DNAH6: variants seen among roughly 807,000 people sequenced by gnomAD.
DNAH6 encodes the protein axonemal beta dynein heavy chain 6.
In DNAH6, 340 loss-of-function variants were observed where a neutral mutation model predicts 491.4. The ratio of observed to expected loss-of-function variants is 0.69; its 90% confidence interval spans 0.63 to 0.76. The LOEUF is 0.76. Ranked by LOEUF, DNAH6 falls within the 30% of genes least tolerant of loss-of-function variation. The pLI, the probability that DNAH6 is intolerant of heterozygous loss-of-function variation, is 0.00. For missense variants in DNAH6, 4,443 were observed against 4,972.2 expected, an observed-to-expected ratio of 0.89 and a Z score of 3.20; for synonymous variants, 1,603 against 1,686.1, an observed-to-expected ratio of 0.95 and a Z score of 1.21.
the DNAH6 span, among the ~76,000 whole-genome samples, chr2:84,465,881 A>G: frequency 6.6e-6 from 1 of 152,246 alleles, no homozygotes; most frequent in Admixed American, 6.5e-5. Flanking sequence ...AAGACAAAGC[A>G]TGATAAGACC....
chr2:84,819,310 T>A lies in DNAH6; in HGVS notation c.12379T>A (p.Ser4127Thr). The A allele has an allele frequency of 2.6e-6, 4 of 1,548,670 alleles. No homozygotes were observed. Among genetic ancestry groups the A allele is most frequent in the Non-Finnish European group, 3.5e-6 (4 of 1,145,440 alleles). The change falls in exon 77 of 77, where the codon TCA becomes ACA. Residue 4127 changes from serine to threonine, a missense_variant. Physicochemically the swap from Ser to Thr is moderately conservative, Grantham distance 58. Transcript: ENST00000389394. ...TTTCCTATATCCTTAATTAGGACAT[T>A]CAACCAATTTTGTGGTAACCGTCCT... ...RAGTLSTTGH[S>T]TNFVVTVLLP...
intron 13 of DNAH6, 76 bp downstream of exon 13, chr2:84,577,484 G>T (rs570226996): frequency 3.3e-4 from 354 of 1,077,508 alleles, no homozygotes; most frequent in South Asian, 1.6e-3. Context: ...CAAAAACCTA[G>T]TATTTATTTT....
At chr2:84,575,941 T>A (rs1682398142) in intron 12 of DNAH6, among the ~76,000 whole-genome samples, 1 of 152,224 alleles carries the variant, frequency 6.6e-6, no homozygotes, top group Admixed American at 6.5e-5. Flanking sequence ...CTTTTATTCC[T>A]TTTTGGCTAT....
chr2:84,580,845 A>G (rs1682953972), intron 14 of DNAH6, among the ~76,000 whole-genome samples: 1 of 152,178 alleles, frequency 6.6e-6, no homozygotes, highest in African/African-American at 2.4e-5. Context: ...CTTCCTATCA[A>G]GAATGTAAGT....
intron 29 of DNAH6, among the ~76,000 whole-genome samples, chr2:84,633,301 C>T (rs2104460249): frequency 6.6e-6 from 1 of 152,198 alleles, no homozygotes; most frequent in South Asian, 2.1e-4. Flanking sequence ...CCAGTATCTC[C>T]TAATATTAAT....
chr2:84,655,829 C>T (rs1690911837), intron 35 of DNAH6, among the ~76,000 whole-genome samples: 7 of 152,080 alleles, frequency 4.6e-5, no homozygotes, highest in Admixed American at 4.6e-4. Context: ...TATTATTTTA[C>T]ATTAGAGTTC....
chr2:84,636,941 A>T (rs982058852), intron 30 of DNAH6, among the ~76,000 whole-genome samples: 1 of 152,148 alleles, frequency 6.6e-6, no homozygotes, highest in Admixed American at 6.5e-5. Flanking sequence ...GTATATGTTC[A>T]GACCTAGAAG....
Position 84,548,201 on chromosome 2 carries a change from TTTTG to T in DNAH6, c.1187-83_1187-80del, listed in dbSNP as rs1396388201. The T allele has an allele frequency of 7.1e-6, 10 of 1,399,934 alleles. No homozygotes were observed. In the East Asian group the frequency reaches 2.2e-4, roughly 31 times the overall value. 86.7% of individuals were successfully genotyped at this position (1,399,934 alleles called of 1,614,324 possible). A position where few individuals can be genotyped will look rare whatever the true frequency, so the allele number is the denominator to read the frequency against. ...ACCAAAATATTTTGTTGTTTTTGAA[TTTTG>T]TTTATCTTTTCTTTGAATCATATTG... On this transcript the variant is annotated intron_variant, in intron 7 of 76. Coordinates refer to ENST00000389394, the MANE Select transcript of DNAH6 (RefSeq NM_001370.2).
intron 64 of DNAH6, among the ~76,000 whole-genome samples, chr2:84,770,662 C>T (rs534892140): frequency 6.6e-6 from 1 of 152,166 alleles, no homozygotes; most frequent in African/African-American, 2.4e-5. Context: ...TGAGATTACT[C>T]AATTTGGTGA....
intron 72 of DNAH6, among the ~76,000 whole-genome samples, chr2:84,809,677 G>C (rs1246867713): frequency 6.6e-6 from 1 of 152,182 alleles, no homozygotes; most frequent in Non-Finnish European, 1.5e-5. Flanking sequence ...AGGGAGCCCT[G>C]TCTAGGGCAG....
chr2:84,547,835 T>C (rs771915610), intron 7 of DNAH6, among the ~76,000 whole-genome samples: 3 of 152,226 alleles, frequency 2.0e-5, no homozygotes, highest in Non-Finnish European at 2.9e-5. Context: ...ATTTCTAAAC[T>C]GGATACAGAA....
chr2:84,760,854 A>AC (rs1253210839), intron 63 of DNAH6, among the ~76,000 whole-genome samples: 1 of 152,054 alleles, frequency 6.6e-6, no homozygotes, highest in Non-Finnish European at 1.5e-5. Context: ...CAAACAATTC[A>AC]CCTGCCTCGA....
chr2:84,791,604 G>A (rs1326042590), intron 68 of DNAH6, among the ~76,000 whole-genome samples: 1 of 151,336 alleles, frequency 6.6e-6, no homozygotes, highest in South Asian at 2.1e-4. Flanking sequence ...AGATTGCAAT[G>A]ATGGTTGGAC....
Position 84,693,290 on chromosome 2 carries a change from G to A in DNAH6, c.7293-959G>A, listed in dbSNP as rs181583690. ...CTGGAGTTTGGCCTCTACTTTTCCT[G>A]TTCAACTCTCCACGGTACTCTATTT... On this transcript the variant is annotated intron_variant, in intron 45 of 76. Transcript: ENST00000389394. 1.0e-3 allele frequency among the ~76,000 whole-genome samples: 152 copies of A among 152,076 alleles called. 1 individual carries two copies. The highest frequency in any genetic ancestry group is 3.5e-3 in the African/African-American group (147 of 41,488).
At chr2:84,617,302 T>C (rs1686950998) in intron 23 of DNAH6, among the ~76,000 whole-genome samples, 1 of 152,098 alleles carries the variant, frequency 6.6e-6, no homozygotes, top group Admixed American at 6.6e-5. Context: ...AATCACATCA[T>C]GTAAAATGGG....
intron 22 of DNAH6, among the ~76,000 whole-genome samples, chr2:84,613,008 G>GAA (rs140314274): frequency 6.7e-6 from 1 of 150,140 alleles, no homozygotes; most frequent in African/African-American, 2.4e-5. Context: ...CTTCTGAAAT[G>GAA]AAAAAAAAAT....
intron 46 of DNAH6, among the ~76,000 whole-genome samples, chr2:84,696,787 T>C (rs1180720644): frequency 3.3e-5 from 5 of 152,102 alleles, no homozygotes; most frequent in African/African-American, 1.2e-4. Flanking sequence ...AATATTTGCA[T>C]CAATGTTGAA....
chr2:84,553,350 T>A (rs562423849), intron 10 of DNAH6, among the ~76,000 whole-genome samples: 9 of 71,298 alleles, frequency 1.3e-4, no homozygotes, highest in African/African-American at 5.1e-4. Context: ...TTTTCCTTTC[T>A]TTTCTTTTCT....
Position 84,701,041 on chromosome 2 carries a change from A to G in DNAH6, c.7819-56A>G, listed in dbSNP as rs1483638404. The G allele has an allele frequency of 1.3e-5, 20 of 1,531,774 alleles. No homozygotes were observed. The Admixed American group carries it at 3.6e-4, about 28-fold the overall frequency. 94.9% of individuals were successfully genotyped at this position (1,531,774 alleles called of 1,614,324 possible). A position where few individuals can be genotyped will look rare whatever the true frequency, so the allele number is the denominator to read the frequency against. Reference sequence around the variant, plus strand: ...AGAAATATGTTTTTCTTGGTATTAAACTGTATGTTATTGAAATGACACAAC... The same window carrying G: ...AGAAATATGTTTTTCTTGGTATTAAGCTGTATGTTATTGAAATGACACAAC... On this transcript the variant is annotated intron_variant, in intron 48 of 76. Coordinates refer to ENST00000389394, the MANE Select transcript of DNAH6 (RefSeq NM_001370.2).
Sources: gnomAD v4.1 joint callset for allele counts (sites outside exome capture counted in the v4.1 genomes callset) on GRCh38, gnomAD v4.1.1 for gene constraint, MANE v1.5 for transcripts, NCBI Gene and HGNC (gene_info 2026-07-23, HGNC 2026-07-21) for gene names.